TENM1: variants seen among roughly 807,000 people sequenced by gnomAD.
TENM1 encodes the protein teneurin transmembrane protein 1, also known as teneurin-1.
TENM1 carries 35 observed loss-of-function variants against 174.8 expected under a neutral mutation model. The observed-to-expected ratio is 0.20, with a 90% confidence interval of 0.15 to 0.27. TENM1 has a LOEUF of 0.27. TENM1 is among the 10% of genes least tolerant of loss of function. The probability of loss-of-function intolerance (pLI) is 1.00; values close to 1 mark genes in which losing one functional copy is unlikely to be tolerated. For synonymous variants in TENM1, 781 were observed against 798.7 expected (o/e 0.98, Z 0.37); for missense variants, 1,633 against 2,130.1 (o/e 0.77, Z 4.59).
chrX:124,732,980 T>C (rs1360805644), intron 4 of TENM1, among the ~76,000 whole-genome samples: 2 of 111,819 alleles, frequency 1.8e-5, no homozygotes, highest in African/African-American at 6.5e-5. Flanking sequence ...CGAGGCAACC[T>C]GAATGTCTCT....
At chrX:125,185,335 G>A in the TENM1 span, among the ~76,000 whole-genome samples, 1 of 111,878 alleles carries the variant, frequency 8.9e-6, no homozygotes, top group African/African-American at 3.2e-5. Context: ...TACACACTCT[G>A]CAGATGTTCC....
chrX:124,420,161 A>C, intron 25 of TENM1, 150 bp downstream of exon 28: 1 of 707,230 alleles, frequency 1.4e-6, no homozygotes, highest in Non-Finnish European at 2.1e-6. Context: ...GAATTAGGTA[A>C]AATTTTCTCC....
At chrX:124,579,859 G>C (rs753714307) in intron 11 of TENM1, among the ~76,000 whole-genome samples, 1 of 112,051 alleles carries the variant, frequency 8.9e-6, no homozygotes, top group East Asian at 2.8e-4. Flanking sequence ...AAAAGTATCT[G>C]AAATTTTCAG....
intron 1 of TENM1, among the ~76,000 whole-genome samples, chrX:124,941,895 C>T (rs1437244056): frequency 3.6e-5 from 4 of 111,794 alleles, no homozygotes; most frequent in African/African-American, 1.3e-4. Flanking sequence ...AGGCAAAAGG[C>T]ATGTCTTACA....
At chrX:124,478,092 G>A (rs1403420782) in intron 22 of TENM1, among the ~76,000 whole-genome samples, 2 of 112,226 alleles carry the variant, frequency 1.8e-5, no homozygotes, top group African/African-American at 6.4e-5. Flanking sequence ...ATACATTAGA[G>A]CTGAAAGGGA....
At chrX:124,469,195 T>A (rs1490522697) in intron 22 of TENM1, among the ~76,000 whole-genome samples, 1 of 112,449 alleles carries the variant, frequency 8.9e-6, no homozygotes, top group Non-Finnish European at 1.9e-5. Context: ...AAAATTTGAA[T>A]GCAGTCAAAC....
intron 18 of TENM1, among the ~76,000 whole-genome samples, chrX:124,506,438 T>C (rs1038530027): frequency 2.7e-5 from 3 of 109,301 alleles, no homozygotes; most frequent in African/African-American, 9.9e-5. Flanking sequence ...AAAAAGTGCA[T>C]TGGCTGCAAA....
the TENM1 span, among the ~76,000 whole-genome samples, chrX:124,979,466 T>A: frequency 8.9e-6 from 1 of 112,057 alleles, no homozygotes; most frequent in African/African-American, 3.2e-5. Flanking sequence ...AGTAAAAAAA[T>A]GTAAAATGTT....
chrX:124,978,642 C>A, the TENM1 span, among the ~76,000 whole-genome samples: 9 of 111,618 alleles, frequency 8.1e-5, no homozygotes, highest in African/African-American at 2.6e-4. Flanking sequence ...TGGTTTCCTA[C>A]GGGTCACTCC....
intron 14 of TENM1, among the ~76,000 whole-genome samples, chrX:124,558,988 T>C (rs960169864): frequency 8.9e-6 from 1 of 111,892 alleles, no homozygotes; most frequent in Non-Finnish European, 1.9e-5. Flanking sequence ...ACCACAGGCA[T>C]TGAGAATTGA....
At chrX:124,767,527 T>C (rs1488149183) in intron 3 of TENM1, among the ~76,000 whole-genome samples, 2 of 112,065 alleles carry the variant, frequency 1.8e-5, no homozygotes, top group Non-Finnish European at 1.9e-5. Flanking sequence ...CATGTGGTCA[T>C]AAGAATTTTT....
intron 18 of TENM1, among the ~76,000 whole-genome samples, chrX:124,516,698 A>G (rs1256085524): frequency 8.9e-6 from 1 of 112,097 alleles, no homozygotes; most frequent in African/African-American, 3.2e-5. Context: ...ACAATTAAAC[A>G]CTGTTGGTGG....
intron 24 of TENM1, among the ~76,000 whole-genome samples, chrX:124,421,959 G>A (rs1044464652): frequency 8.9e-5 from 10 of 111,946 alleles, no homozygotes; most frequent in African/African-American, 3.2e-4. Flanking sequence ...AACTTTTTAA[G>A]AGTCTAAACA....
chrX:124,683,447 T>G (rs1451144068), intron 5 of TENM1, among the ~76,000 whole-genome samples: 1 of 112,078 alleles, frequency 8.9e-6, no homozygotes, highest in Non-Finnish European at 1.9e-5. Flanking sequence ...TCCAACCCGT[T>G]ACTTTTGCAT....
chrX:124,858,421 G>T lies in TENM1; in HGVS notation c.535+35875C>A, dbSNP rs188456229. ...CTGGCATTTGGTTTCTCTCAGTGTG[G>T]TTTATTTCAGTAATCTTACCTAATG... On this transcript the variant is annotated intron_variant, in intron 3 of 31. Coordinates refer to ENST00000422452, the Ensembl canonical transcript of TENM1. Among the ~76,000 whole-genome samples the T allele has an allele frequency of 1.5e-3, 162 of 111,469 alleles. 1 individual carries two copies. The highest frequency in any genetic ancestry group is 4.9e-3 in the African/African-American group (149 of 30,636).
chrX:125,097,018 A>G, the TENM1 span, among the ~76,000 whole-genome samples: 1 of 111,972 alleles, frequency 8.9e-6, no homozygotes, highest in East Asian at 2.8e-4. Flanking sequence ...AAGAAGATAA[A>G]GAGTGGAACT....
chrX:124,543,650 G>A (rs1417605047), intron 15 of TENM1, among the ~76,000 whole-genome samples: 5 of 112,167 alleles, frequency 4.5e-5, no homozygotes, highest in East Asian at 2.8e-4. Flanking sequence ...GTAATAAGTC[G>A]TACAGGGCTC....
intron 4 of TENM1, among the ~76,000 whole-genome samples, chrX:124,722,194 C>T (rs757823122): frequency 1.8e-4 from 20 of 112,161 alleles, no homozygotes; most frequent in Non-Finnish European, 3.8e-4. Flanking sequence ...ATTCAATTTA[C>T]TTATGAAGCT....
intron 3 of TENM1, among the ~76,000 whole-genome samples, chrX:124,741,630 C>A (rs1161390049): frequency 9.0e-6 from 1 of 111,638 alleles, no homozygotes; most frequent in Non-Finnish European, 1.9e-5. Context: ...GACACTTTAT[C>A]TTGTGAAAGT....
Sources: allele counts gnomAD v4.1 joint callset (sites outside exome capture counted in the v4.1 genomes callset), GRCh38; gene constraint gnomAD v4.1.1; transcripts MANE v1.5; gene names NCBI Gene and HGNC (gene_info 2026-07-23, HGNC 2026-07-21).